The following SREBF2 variants were observed in gnomAD, a reference collection of about 807,000 sequenced individuals.
The protein encoded by SREBF2 is sterol regulatory element-binding protein 2.
SREBF2 carries 55 observed loss-of-function variants against 113.1 expected under a neutral mutation model. The observed-to-expected ratio is 0.49, with a 90% CI of 0.39 to 0.61. The LOEUF is 0.61. Ranked by LOEUF, SREBF2 falls within the 20% of genes least tolerant of loss-of-function variation. The probability of loss-of-function intolerance (pLI) is 0.00; values close to 1 mark genes in which losing one functional copy is unlikely to be tolerated. For synonymous variants in SREBF2, 593 were observed against 605.7 expected (o/e 0.98, Z 0.31); for missense variants, 1,349 against 1,487.4 (o/e 0.91, Z 1.53).
At chr22:41,895,162 C>T (rs1341512233) in intron 13 of SREBF2, among the ~76,000 whole-genome samples, 11 of 145,736 alleles carry the variant, frequency 7.5e-5, no homozygotes, top group East Asian at 4.1e-4. Flanking sequence ...TTTTTGGAGA[C>T]GGAGTCTCGC....
intron 3 of SREBF2, among the ~76,000 whole-genome samples, chr22:41,869,836 T>A (rs2077123068): frequency 6.6e-6 from 1 of 151,176 alleles, no homozygotes; most frequent in Non-Finnish European, 1.5e-5. Flanking sequence ...ATGTTATATA[T>A]CATCGTGGAC....
At chr22:41,877,514 G>C (rs2077207771) in intron 8 of SREBF2, 93 bp downstream of exon 8, 1 of 1,431,660 alleles carries the variant, frequency 7.0e-7, no homozygotes, top group Non-Finnish European at 9.6e-7. Flanking sequence ...TGGCTACCAG[G>C]TCCCAAAGGG....
intron 1 of SREBF2, among the ~76,000 whole-genome samples, chr22:41,862,590 C>G (rs2077036914): frequency 6.6e-6 from 1 of 152,172 alleles, no homozygotes; most frequent in South Asian, 2.1e-4. Flanking sequence ...GAAATGACAG[C>G]CTGTGTAATC....
intron 1 of SREBF2, chr22:41,834,340 C>T (rs2076748431): frequency 1.1e-5 from 1 of 88,932 alleles, no homozygotes; most frequent in South Asian, 3.4e-4. Context: ...TATTTCACTT[C>T]TTCCTCACAA....
chr22:41,884,893 C>T lies in SREBF2; in HGVS notation c.2090C>T (p.Ala697Val), dbSNP rs2077285493. Residue 697 changes from alanine to valine, a missense_variant, in exon 11 of 19, where the codon GCC (alanine) becomes GTC (valine). Physicochemically the swap from Ala to Val is moderately conservative, Grantham distance 64. Around this residue, in one of 2 missense-constraint regions of SREBF2, gnomAD observed 650 missense variants for 644.1 expected, o/e 1.01. Coordinates refer to ENST00000361204, the MANE Select transcript of SREBF2 (RefSeq NM_004599.4). ...ACSDVHMALC[A>V]VNLAECAEEK... ...TCCGATGTACACATGGCGTTGTGTG[C>T]CGTGAACCTGGCTGAATGTGCAGAG... 6.2e-7 allele frequency: 1 copy of T among 1,614,120 alleles called. No individual in the cohort carries two copies. The highest frequency in any genetic ancestry group is 8.5e-7 in the Non-Finnish European group (1 of 1,180,056).
intron 5 of SREBF2, among the ~76,000 whole-genome samples, chr22:41,874,703 C>A (rs4822061): frequency 0.12 from 18,817 of 152,106 alleles, 1,671 homozygotes; most frequent in Admixed American, 0.31. Context: ...GCCAGGAGTT[C>A]AAGACCAGCC....
At chr22:41,887,087 C>T (rs1317510001) in intron 11 of SREBF2, among the ~76,000 whole-genome samples, 1 of 151,776 alleles carries the variant, frequency 6.6e-6, no homozygotes, top group Non-Finnish European at 1.5e-5. Flanking sequence ...TGGTGGTGCA[C>T]ACCTGTAATC....
chr22:41,850,760 T>C (rs1218553300), intron 1 of SREBF2, among the ~76,000 whole-genome samples: 1 of 145,362 alleles, frequency 6.9e-6, no homozygotes, highest in African/African-American at 2.5e-5. Context: ...CTTTTTGTTT[T>C]TTTTGAGATA....
intron 10 of SREBF2, among the ~76,000 whole-genome samples, chr22:41,883,479 G>A (rs1979174688): frequency 6.6e-6 from 1 of 152,164 alleles, no homozygotes; most frequent in African/African-American, 2.4e-5. Flanking sequence ...GTGTGCCCTT[G>A]GGACAGAATA....
intron 2 of SREBF2, among the ~76,000 whole-genome samples, 192 bp downstream of exon 2, chr22:41,867,472 T>G (rs1384895079): frequency 6.6e-6 from 1 of 152,190 alleles, no homozygotes; most frequent in Non-Finnish European, 1.5e-5. Context: ...TTCAAATACC[T>G]TAATATCTAT....
chr22:41,864,245 TATATATATATATATATACAC>T (rs1346562344), intron 1 of SREBF2, among the ~76,000 whole-genome samples: 2 of 94,950 alleles, frequency 2.1e-5, no homozygotes, highest in African/African-American at 4.1e-5. Flanking sequence ...TATATATATA[TATATATATATATATATACAC>T]ACACACACAC....
chr22:41,871,044 T>C lies in SREBF2; in HGVS notation c.867+9T>C. The stretch of plus-strand genomic sequence containing the variant: ...CTGCCCTTCAAGTACCAGTAAGAGC[T>C]GCCTTCTCCCCCACCCTCCTCCCTC... On this transcript the variant is annotated intron_variant, in intron 4 of 18. Coordinates refer to ENST00000361204, the MANE Select transcript of SREBF2 (RefSeq NM_004599.4). 6.2e-7 allele frequency: 1 copy of C among 1,614,046 alleles called. No individual in the cohort carries two copies. Among genetic ancestry groups the C allele is most frequent in the South Asian group, 1.1e-5 (1 of 91,076 alleles).
At chr22:41,839,824 T>A (rs1386640125) in intron 1 of SREBF2, among the ~76,000 whole-genome samples, 1 of 152,226 alleles carries the variant, frequency 6.6e-6, no homozygotes, top group African/African-American at 2.4e-5. Context: ...ATGAAGCTGC[T>A]ACAAACTTGT....
chr22:41,874,272 G>A (rs1398461810), intron 5 of SREBF2, among the ~76,000 whole-genome samples: 1 of 152,154 alleles, frequency 6.6e-6, no homozygotes, highest in African/African-American at 2.4e-5. Context: ...GCAGTGATGG[G>A]GACTCCACTG....
intron 7 of SREBF2, 134 bp downstream of exon 7, chr22:41,875,858 A>C: frequency 9.4e-7 from 1 of 1,066,246 alleles, no homozygotes; most frequent in South Asian, 1.3e-5. Flanking sequence ...GAATTCTGTG[A>C]AATTAGCCAG....
At chr22:41,835,969 T>A (rs2076770586) in intron 1 of SREBF2, among the ~76,000 whole-genome samples, 1 of 152,260 alleles carries the variant, frequency 6.6e-6, no homozygotes, top group African/African-American at 2.4e-5. Context: ...TGGTTAATAC[T>A]GTCTTTATCC....
intron 1 of SREBF2, among the ~76,000 whole-genome samples, chr22:41,842,945 G>T (rs1206293790): frequency 6.6e-6 from 1 of 151,400 alleles, no homozygotes; most frequent in East Asian, 1.9e-4. Flanking sequence ...AGCTGAAATC[G>T]CACCACTGTA....
At chr22:41,843,145 G>A (rs1205134375) in intron 1 of SREBF2, among the ~76,000 whole-genome samples, 3 of 152,200 alleles carry the variant, frequency 2.0e-5, no homozygotes, top group Non-Finnish European at 4.4e-5. Context: ...ATTTGATAAT[G>A]AATACAAGAC....
intron 1 of SREBF2, among the ~76,000 whole-genome samples, chr22:41,864,536 G>T (rs1443322020): frequency 6.6e-6 from 1 of 150,630 alleles, no homozygotes; most frequent in African/African-American, 2.4e-5. Context: ...TAGCCAGGAT[G>T]GTCTCGATCT....
Sources: gnomAD v4.1 joint callset for allele counts (sites outside exome capture counted in the v4.1 genomes callset) on GRCh38, gnomAD v4.1.1 for gene constraint, gnomAD v4.1.1 regional missense constraint, MANE v1.5 for transcripts, NCBI Gene and HGNC (gene_info 2026-07-23, HGNC 2026-07-21) for gene names.